The following RFX4 variants were observed in gnomAD, a reference collection of about 807,000 sequenced individuals.
RFX4 encodes the protein transcription factor RFX4.
RFX4 carries 10 observed loss-of-function variants against 95.0 expected under a neutral mutation model. That is an observed-to-expected ratio of 0.11 (90% CI 0.06 to 0.18). RFX4 has a LOEUF of 0.18. Ranked by LOEUF, RFX4 falls within the 10% of genes least tolerant of loss-of-function variation. RFX4 has a pLI of 1.00. For missense variants in RFX4, 640 were observed against 922.0 expected, an observed-to-expected ratio of 0.69 and a Z score of 3.96; for synonymous variants, 321 against 340.7, an observed-to-expected ratio of 0.94 and a Z score of 0.64.
At chr12:106,607,854 G>GAAATTGGATTAAATTGGATT (rs1298758462) in intron 1 of RFX4, among the ~76,000 whole-genome samples, 3 of 152,032 alleles carry the variant, frequency 2.0e-5, no homozygotes, top group Non-Finnish European at 2.9e-5. Flanking sequence ...GGTAGCCTTT[G>GAAATTGGATTAAATTGGATT]AAATTGGATT....
At chr12:106,599,919 G>A (rs940483966) in intron 1 of RFX4, among the ~76,000 whole-genome samples, 8 of 151,946 alleles carry the variant, frequency 5.3e-5, no homozygotes, top group African/African-American at 1.7e-4. Context: ...CCCTTACTCC[G>A]TGGCCTCCTC....
At chr12:106,641,809 A>C (rs957889051) in intron 3 of RFX4, among the ~76,000 whole-genome samples, 17 of 152,164 alleles carry the variant, frequency 1.1e-4, no homozygotes, top group African/African-American at 4.1e-4. Context: ...GTCATTAACT[A>C]ATTCAATAAA....
At chr12:106,663,210 T>C (rs903296667) in intron 4 of RFX4, among the ~76,000 whole-genome samples, 115 of 152,220 alleles carry the variant, frequency 7.6e-4, no homozygotes, top group Middle Eastern at 6.8e-3. Flanking sequence ...TCTATTTTTA[T>C]CTAGTTCTTC....
intron 15 of RFX4, 148 bp downstream of exon 15, chr12:106,733,233 G>A: frequency 5.2e-6 from 4 of 774,436 alleles, no homozygotes; most frequent in Non-Finnish European, 8.4e-6. Flanking sequence ...CTACTTGGGA[G>A]GCTGAGGTGG....
At chr12:106,730,690 T>A (rs1163200103) in intron 13 of RFX4, among the ~76,000 whole-genome samples, 1 of 152,132 alleles carries the variant, frequency 6.6e-6, no homozygotes, top group African/African-American at 2.4e-5. Flanking sequence ...AAAAAAATAA[T>A]GCCAGAGAGT....
chr12:106,652,753 A>C (rs2040878584), intron 3 of RFX4, among the ~76,000 whole-genome samples: 1 of 152,192 alleles, frequency 6.6e-6, no homozygotes, highest in Non-Finnish European at 1.5e-5. Flanking sequence ...TTGCAATCAC[A>C]TGTTGGAATA....
At chr12:106,587,863 G>A (rs560403367) in intron 1 of RFX4, among the ~76,000 whole-genome samples, 1 of 152,364 alleles carries the variant, frequency 6.6e-6, no homozygotes, top group East Asian at 1.9e-4. Context: ...AATCTTGCGA[G>A]TGGGGATGGG....
intron 4 of RFX4, among the ~76,000 whole-genome samples, chr12:106,671,020 G>A (rs1048075908): frequency 3.9e-5 from 6 of 152,054 alleles, no homozygotes; most frequent in Non-Finnish European, 8.8e-5. Flanking sequence ...TATAAAACAG[G>A]AACTTGTCAT....
rs375703264 is a variant in RFX4 at position 106,720,751 on chromosome 12, TC to T, written c.1234-7del. 4.5e-4 allele frequency: 721 copies of T among 1,612,646 alleles called. 1 individual carries two copies. In the African/African-American group the frequency reaches 8.3e-3, roughly 19 times the overall value. On this transcript the variant is annotated splice_region_variant and splice_polypyrimidine_tract_variant and intron_variant, in intron 12 of 17. Coordinates refer to ENST00000392842, the MANE Select transcript of RFX4 (RefSeq NM_213594.3). The surrounding 1 kb of genome is among the most constrained non-coding windows in gnomAD (Gnocchi z 4.2). Reference sequence around the variant, plus strand: ...CGACCACTATTAAAGCCATTTACTTTCTTGTAGGTGGCTGCCAAGAGACAAG... The same window carrying T: ...CGACCACTATTAAAGCCATTTACTTTTTGTAGGTGGCTGCCAAGAGACAAG...
chr12:106,747,353 G>A lies in RFX4; in HGVS notation c.1634-84G>A, dbSNP rs528524124. On this transcript the variant is annotated intron_variant, in intron 15 of 17. Transcript: ENST00000392842. Reference sequence around the variant, plus strand: ...ATAAAGATTTTGGCCTTCAACTTAAGAACAAAGGGAAGCCACTAAAGTAAG... The same window carrying A: ...ATAAAGATTTTGGCCTTCAACTTAAAAACAAAGGGAAGCCACTAAAGTAAG... 66 of 1,507,108 alleles carry A rather than the reference G, an allele frequency of 4.4e-5. No individual in the cohort carries two copies. In the East Asian group the frequency reaches 1.4e-3, roughly 33 times the overall value. 93.4% of individuals were successfully genotyped at this position (1,507,108 alleles called of 1,614,324 possible). A position where few individuals can be genotyped will look rare whatever the true frequency, so the allele number is the denominator to read the frequency against.
intron 2 of RFX4, among the ~76,000 whole-genome samples, chr12:106,629,722 C>T (rs903252564): frequency 3.3e-5 from 5 of 152,154 alleles, no homozygotes; most frequent in African/African-American, 1.2e-4. Context: ...ATTTGCCCAC[C>T]TTGGCCTCCC....
intron 10 of RFX4, among the ~76,000 whole-genome samples, chr12:106,713,339 C>A (rs536775664): frequency 2.0e-5 from 3 of 152,308 alleles, no homozygotes; most frequent in African/African-American, 7.2e-5. Context: ...CTTTTGGGTG[C>A]CTACTGTGTG....
At chr12:106,709,279 A>C in intron 8 of RFX4, 51 bp from the exon 9 acceptor site, 1 of 1,446,294 alleles carries the variant, frequency 6.9e-7, no homozygotes, top group Non-Finnish European at 9.6e-7. Context: ...GGCCTGTGGG[A>C]GGAGCTAAGC....
chr12:106,715,160 C>A, intron 10 of RFX4: 1 of 450,484 alleles, frequency 2.2e-6, no homozygotes, highest in Non-Finnish European at 4.0e-6. Flanking sequence ...TCTGGCCTAG[C>A]CCACCCTCGC....
chr12:106,660,190 A>G (rs2041044145), intron 4 of RFX4, among the ~76,000 whole-genome samples: 1 of 151,982 alleles, frequency 6.6e-6, no homozygotes, highest in Admixed American at 6.6e-5. Context: ...TCTGCCTCCA[A>G]GGAGAAGGCC....
At chr12:106,636,923 T>G (rs2040526528) in intron 2 of RFX4, among the ~76,000 whole-genome samples, 1 of 152,172 alleles carries the variant, frequency 6.6e-6, no homozygotes, top group Non-Finnish European at 1.5e-5. Flanking sequence ...CATCCCAAGT[T>G]TGCTGCTTTC....
chr12:106,684,104 C>T (rs1481702470), intron 5 of RFX4, among the ~76,000 whole-genome samples: 1 of 152,136 alleles, frequency 6.6e-6, no homozygotes, highest in Non-Finnish European at 1.5e-5. Context: ...CAGTGGCTCA[C>T]GCCTGTAATC....
intron 2 of RFX4, among the ~76,000 whole-genome samples, chr12:106,610,545 A>G (rs1177717857): frequency 6.6e-6 from 1 of 152,224 alleles, no homozygotes; most frequent in African/African-American, 2.4e-5. Flanking sequence ...AGTATCTTAT[A>G]TAAGTGAAGT....
At chr12:106,601,398 G>A (rs1228977815) in intron 1 of RFX4, 1 of 1,525,088 alleles carries the variant, frequency 6.6e-7, no homozygotes, top group Non-Finnish European at 8.9e-7. Flanking sequence ...GGCACCCTCA[G>A]GGGGAACTGG....
Sources: gnomAD v4.1 joint callset for allele counts (sites outside exome capture counted in the v4.1 genomes callset) on GRCh38, gnomAD v4.1.1 for gene constraint, Gnocchi (gnomAD v3.1) non-coding constraint, MANE v1.5 for transcripts, NCBI Gene and HGNC (gene_info 2026-07-23, HGNC 2026-07-21) for gene names.